RABEP1: variants seen among roughly 807,000 people sequenced by gnomAD.
RABEP1 encodes the protein rabaptin, RAB GTPase binding effector protein 1.
In RABEP1, 51 loss-of-function variants were observed where a neutral mutation model predicts 123.4. The ratio of observed to expected loss-of-function variants is 0.41; its 90% CI spans 0.33 to 0.52. The LOEUF (loss-of-function observed/expected upper bound fraction) is 0.52, where lower values mean the gene tolerates loss of function less well. Among genes scored for constraint, RABEP1 ranks in the 20% least tolerant of loss-of-function variants. RABEP1 has a pLI of 0.16. For missense variants in RABEP1, 888 were observed against 996.3 expected (o/e 0.89, Z 1.46); for synonymous variants, 347 against 355.2 (o/e 0.98, Z 0.26).
chr17:5,328,492 A>G (rs1906185637), intron 2 of RABEP1, among the ~76,000 whole-genome samples: 2 of 151,874 alleles, frequency 1.3e-5, no homozygotes, highest in Non-Finnish European at 1.5e-5. Context: ...AAAAAAATAC[A>G]AAAATTAGCT....
chr17:5,341,530 C>G (rs1907608399), intron 5 of RABEP1, among the ~76,000 whole-genome samples: 1 of 152,110 alleles, frequency 6.6e-6, no homozygotes, highest in Non-Finnish European at 1.5e-5. Flanking sequence ...TCCAGACTTT[C>G]TGGAAAGAGC....
intron 5 of RABEP1, among the ~76,000 whole-genome samples, chr17:5,344,003 T>C (rs1055646778): frequency 1.3e-5 from 2 of 152,090 alleles, no homozygotes; most frequent in Non-Finnish European, 2.9e-5. Flanking sequence ...GACAAAAATA[T>C]TGACTGTGAA....
chr17:5,282,408 C>T lies in RABEP1; in HGVS notation c.-79C>T. 8.5e-7 allele frequency: 1 copy of T among 1,175,298 alleles called. No homozygotes were observed. The highest frequency in any genetic ancestry group is 1.1e-6 in the Non-Finnish European group (1 of 892,666). 72.8% of individuals were successfully genotyped at this position (1,175,298 alleles called of 1,614,324 possible). ...GGCGGCGGCGGCTCGGTTGACGCCT[C>T]CTCCGCCAGCTGAGCCCGCGGGAGC... is the stretch of plus-strand genomic sequence containing the variant. On this transcript the variant is annotated 5_prime_UTR_variant, in exon 1 of 18. Transcript: ENST00000537505.
chr17:5,289,798 G>C (rs1453652742), intron 1 of RABEP1, among the ~76,000 whole-genome samples: 3 of 151,850 alleles, frequency 2.0e-5, no homozygotes, highest in African/African-American at 7.3e-5. Context: ...ATTATAACTT[G>C]GTAAATCTCC....
intron 10 of RABEP1, among the ~76,000 whole-genome samples, chr17:5,363,218 TTTTGTTTTTG>T (rs1909716662): frequency 6.6e-6 from 1 of 150,728 alleles, no homozygotes; most frequent in Admixed American, 6.6e-5. Flanking sequence ...TTTTTTTTGT[TTTTGTTTTTG>T]TTTGTTTTTT....
intron 5 of RABEP1, among the ~76,000 whole-genome samples, chr17:5,338,660 T>C (rs1262667004): frequency 6.6e-6 from 1 of 152,222 alleles, no homozygotes; most frequent in Non-Finnish European, 1.5e-5. Context: ...TGATGTTTTA[T>C]CACAAGTGGC....
chr17:5,284,760 C>T (rs1447285229), intron 1 of RABEP1, among the ~76,000 whole-genome samples: 1 of 151,964 alleles, frequency 6.6e-6, no homozygotes, highest in African/African-American at 2.4e-5. Flanking sequence ...GCCCGTGAGT[C>T]CGGCTTTTGG....
rs577567232 is a variant in RABEP1, at chr17:5,310,567, T to C, written c.163+1745T>C. On this transcript the variant is annotated intron_variant, in intron 2 of 17. Coordinates refer to ENST00000537505, the MANE Select transcript of RABEP1 (RefSeq NM_004703.6). Reference sequence around the variant, plus strand: ...ACTCCTGACCTTGTGATCCGCCCGCTTCGGCCTCCCAAAGTGCTGGGTGAG... The same window carrying C: ...ACTCCTGACCTTGTGATCCGCCCGCCTCGGCCTCCCAAAGTGCTGGGTGAG... 1.4e-4 allele frequency among the ~76,000 whole-genome samples: 22 copies of C among 151,938 alleles called. No homozygotes were observed. In the East Asian group the frequency reaches 4.1e-3, roughly 28 times the overall value.
At chr17:5,322,895 T>G (rs898249073) in intron 2 of RABEP1, among the ~76,000 whole-genome samples, 3 of 151,916 alleles carry the variant, frequency 2.0e-5, no homozygotes, top group Non-Finnish European at 2.9e-5. Flanking sequence ...GCCAACATGG[T>G]GAAACTCCGT....
intron 1 of RABEP1, among the ~76,000 whole-genome samples, chr17:5,284,775 T>G (rs998463935): frequency 6.6e-5 from 10 of 152,030 alleles, no homozygotes; most frequent in African/African-American, 9.7e-5. Context: ...TTTTGGGGAT[T>G]TAATTTGTGT....
chr17:5,376,190 A>G (rs1379332324), intron 13 of RABEP1, among the ~76,000 whole-genome samples: 1 of 152,174 alleles, frequency 6.6e-6, no homozygotes, highest in Admixed American at 6.5e-5. Context: ...GCACAGTGGC[A>G]CTTGCCTGTA....
rs752251229 is a variant in RABEP1 at position 5,335,227 on chromosome 17, G to A, written c.411G>A (p.Glu137=). ...DYEHQFHLRL[E]QERTQWAQYR... is the part of the protein sequence containing the mutation. Reference sequence around the variant, plus strand: ...AGCACCAGTTCCACCTTAGGCTGGAGCAGGAGCGAACACAGTGGGCACAGT... The same window carrying A: ...AGCACCAGTTCCACCTTAGGCTGGAACAGGAGCGAACACAGTGGGCACAGT... Residue 137 remains glutamate, a synonymous_variant, in exon 4 of 18, where the codon GAG becomes GAA. Transcript: ENST00000537505. 2 of 1,613,922 alleles carry A rather than the reference G, an allele frequency of 1.2e-6. No individual in the cohort carries two copies. The highest frequency in any genetic ancestry group is 2.2e-5 in the South Asian group (2 of 91,064).
Position 5,379,788 on chromosome 17 carries a change from G to T in RABEP1, c.2272-576G>T, listed in dbSNP as rs369356160. ...ACATTAGAAACTTGTTCGCGTCCCA[G>T]TCTAGTGGAAAGCCCTCCCGTAGTT... On this transcript the variant is annotated intron_variant, in intron 15 of 17. Coordinates refer to ENST00000537505, the MANE Select transcript of RABEP1 (RefSeq NM_004703.6). Among the ~76,000 whole-genome samples, 11 of 152,264 alleles carry T rather than the reference G, an allele frequency of 7.2e-5. No individual in the cohort carries two copies. In the East Asian group the frequency reaches 2.1e-3, roughly 29 times the overall value.
chr17:5,367,372 A>C (rs548269578), intron 11 of RABEP1, among the ~76,000 whole-genome samples: 76 of 151,680 alleles, frequency 5.0e-4, no homozygotes, highest in Admixed American at 7.2e-4. Flanking sequence ...CCCAGGTTCA[A>C]GCGATTCTCC....
At chr17:5,367,515 C>T (rs186713380) in intron 11 of RABEP1, among the ~76,000 whole-genome samples, 45 of 151,810 alleles carry the variant, frequency 3.0e-4, no homozygotes, top group East Asian at 7.8e-4. Flanking sequence ...GTGATCCATC[C>T]GCCTCGGCCT....
chr17:5,337,230 G>C (rs552557472), intron 4 of RABEP1, among the ~76,000 whole-genome samples: 1 of 152,208 alleles, frequency 6.6e-6, no homozygotes, highest in African/African-American at 2.4e-5. Context: ...AGTATTTAAA[G>C]TACTCTGTTT....
intron 15 of RABEP1, chr17:5,378,461 T>TGGCCTG: frequency 1.6e-6 from 1 of 614,224 alleles, no homozygotes; most frequent in Non-Finnish European, 3.0e-6. Context: ...GATGTGACTG[T>TGGCCTG]GGCCTGGAGT....
chr17:5,338,116 T>G lies in RABEP1; in HGVS notation c.626T>G (p.Ile209Ser), dbSNP rs1300319267. Residue 209 changes from isoleucine to serine, a missense_variant, in exon 5 of 18, where the codon ATT becomes AGT. Physicochemically the swap from Ile to Ser is moderately radical, Grantham distance 142. Coordinates refer to ENST00000537505, the MANE Select transcript of RABEP1 (RefSeq NM_004703.6). Reference protein sequence around the residue: ...KDKLTEAEDKIKELEASKVKE... With the variant: ...KDKLTEAEDKSKELEASKVKE... ...AAACTGACAGAGGCTGAAGACAAAA[T>G]TAAAGAGCTGGAGGCCTCAAAGGTT... 1 of 1,613,330 alleles carries G rather than the reference T, an allele frequency of 6.2e-7. No individual in the cohort carries two copies. Among genetic ancestry groups the G allele is most frequent in the Non-Finnish European group, 8.5e-7 (1 of 1,179,498 alleles).
At chr17:5,323,615 C>G (rs1311402543) in intron 2 of RABEP1, among the ~76,000 whole-genome samples, 1 of 150,974 alleles carries the variant, frequency 6.6e-6, no homozygotes. Flanking sequence ...CACACACATA[C>G]ACACACAACA....
Sources: allele counts gnomAD v4.1 joint callset (sites outside exome capture counted in the v4.1 genomes callset), GRCh38; gene constraint gnomAD v4.1.1; transcripts MANE v1.5; gene names NCBI Gene and HGNC (gene_info 2026-07-23, HGNC 2026-07-21).